The following EXOC4 variants were observed in gnomAD, a reference collection of about 807,000 sequenced individuals.
EXOC4 encodes SEC8-like 1.
Under a neutral mutation model 107.2 loss-of-function variants are expected in EXOC4, and 71 were observed. The observed-to-expected ratio is 0.66, with a 90% confidence interval of 0.55 to 0.81. The LOEUF is 0.81. Among genes scored for constraint, EXOC4 ranks in the 30% least tolerant of loss-of-function variants. The pLI is 0.00. For missense variants in EXOC4, 1,108 were observed against 1,189.6 expected (o/e 0.93, Z 1.01); for synonymous variants, 456 against 441.2 (o/e 1.03, Z -0.42).
intron 9 of EXOC4, among the ~76,000 whole-genome samples, chr7:133,510,943 T>C (rs990674146): frequency 6.6e-6 from 1 of 152,190 alleles, no homozygotes. Flanking sequence ...GTACATAATA[T>C]GCTCTTATAA....
intron 10 of EXOC4, among the ~76,000 whole-genome samples, chr7:133,710,086 T>C (rs542549153): frequency 4.6e-5 from 7 of 152,288 alleles, no homozygotes; most frequent in Admixed American, 6.5e-5. Flanking sequence ...AAATAACTTA[T>C]GAGTTTAATA....
intron 13 of EXOC4, chr7:133,930,518 A>G (rs1352355270): frequency 6.6e-5 from 10 of 152,088 alleles, no homozygotes; most frequent in Admixed American, 6.5e-4. Context: ...TTCTAGTATC[A>G]GTTTTCATGG....
chr7:133,816,937 A>G (rs1489654885), intron 10 of EXOC4, among the ~76,000 whole-genome samples: 5 of 152,096 alleles, frequency 3.3e-5, no homozygotes, highest in Non-Finnish European at 5.9e-5. Context: ...GTGTGGGGGT[A>G]GGGGGACCCC....
intron 9 of EXOC4, among the ~76,000 whole-genome samples, chr7:133,612,935 G>A (rs936649034): frequency 6.6e-6 from 1 of 152,092 alleles, no homozygotes; most frequent in Non-Finnish European, 1.5e-5. Flanking sequence ...AATACTTTTT[G>A]GATGTGTAGT....
At chr7:133,897,547 G>A (rs1333193356) in intron 12 of EXOC4, among the ~76,000 whole-genome samples, 1 of 151,884 alleles carries the variant, frequency 6.6e-6, no homozygotes, top group Non-Finnish European at 1.5e-5. Flanking sequence ...TATTTCATTA[G>A]GATAAATTCC....
At chr7:133,369,393 TTCCACTCAATGA>T (rs1393684850) in intron 6 of EXOC4, among the ~76,000 whole-genome samples, 1 of 152,194 alleles carries the variant, frequency 6.6e-6, no homozygotes, top group Non-Finnish European at 1.5e-5. Context: ...CACTACTGAG[TTCCACTCAATGA>T]TCCACTGAAA....
chr7:133,591,287 C>T (rs1801536409), intron 9 of EXOC4, among the ~76,000 whole-genome samples: 1 of 152,156 alleles, frequency 6.6e-6, no homozygotes, highest in African/African-American at 2.4e-5. Flanking sequence ...CCACTTCAGC[C>T]TCCCAAAGTG....
At chr7:133,515,708 A>T (rs538973418) in intron 9 of EXOC4, among the ~76,000 whole-genome samples, 10 of 152,100 alleles carry the variant, frequency 6.6e-5, no homozygotes, top group Non-Finnish European at 1.5e-4. Flanking sequence ...GCCTCAAGCG[A>T]TTCTCCTGCC....
chr7:133,896,783 A>G (rs1374598264), intron 12 of EXOC4, among the ~76,000 whole-genome samples: 1 of 146,340 alleles, frequency 6.8e-6, no homozygotes, highest in Admixed American at 6.7e-5. Context: ...CTCCTGCCTC[A>G]TCCCCCTGAG....
intron 7 of EXOC4, among the ~76,000 whole-genome samples, chr7:133,385,780 C>T (rs1287855047): frequency 6.6e-6 from 1 of 152,124 alleles, no homozygotes; most frequent in African/African-American, 2.4e-5. Context: ...ATTTTTAAGT[C>T]ATTGATTTAA....
At chr7:133,862,939 T>A (rs1798565388) in intron 11 of EXOC4, among the ~76,000 whole-genome samples, 2 of 152,196 alleles carry the variant, frequency 1.3e-5, no homozygotes, top group South Asian at 4.1e-4. Flanking sequence ...CTCTGAGTTG[T>A]CACACAGATC....
intron 17 of EXOC4, among the ~76,000 whole-genome samples, chr7:134,019,938 TGGTGTTATGG>T (rs548345132): frequency 6.6e-6 from 1 of 152,234 alleles, no homozygotes; most frequent in African/African-American, 2.4e-5. Flanking sequence ...CCTACCTTGG[TGGTGTTATGG>T]GGTTGGTTTT....
chr7:133,686,148 A>T (rs1794293797), intron 10 of EXOC4, among the ~76,000 whole-genome samples: 1 of 152,096 alleles, frequency 6.6e-6, no homozygotes, highest in Admixed American at 6.6e-5. Flanking sequence ...TGCCCATGTG[A>T]TGCTCAGCAC....
intron 17 of EXOC4, among the ~76,000 whole-genome samples, chr7:134,028,319 A>G (rs1468443422): frequency 6.6e-6 from 1 of 152,182 alleles, no homozygotes; most frequent in South Asian, 2.1e-4. Context: ...TTAGCCTTTG[A>G]TATTGAAATT....
the EXOC4 span, among the ~76,000 whole-genome samples, chr7:134,097,281 T>TCTCCCAGCTCTTGGTCATCTC: frequency 6.6e-6 from 1 of 151,918 alleles, no homozygotes; most frequent in Admixed American, 6.6e-5. Flanking sequence ...TCAGACTGTC[T>TCTCCCAGCTCTTGGTCATCTC]CTCCCAGCTC....
At chr7:133,558,550 T>A (rs757396892) in intron 9 of EXOC4, among the ~76,000 whole-genome samples, 10 of 152,206 alleles carry the variant, frequency 6.6e-5, no homozygotes, top group Non-Finnish European at 7.3e-5. Context: ...TTTAATCTAC[T>A]CCCTCCTTTA....
intron 7 of EXOC4, among the ~76,000 whole-genome samples, chr7:133,419,666 T>G (rs933683725): frequency 4.6e-5 from 7 of 152,086 alleles, no homozygotes; most frequent in African/African-American, 1.7e-4. Context: ...CCAACCCAAA[T>G]AGAAGACAGC....
intron 13 of EXOC4, among the ~76,000 whole-genome samples, chr7:133,927,654 ATATAAT>A (rs1186254601): frequency 2.0e-5 from 3 of 152,244 alleles, no homozygotes; most frequent in South Asian, 2.1e-4. Context: ...AACTTTTAAA[ATATAAT>A]TATAAAAGGA....
chr7:133,585,886 T>C (rs1389864055), intron 9 of EXOC4, among the ~76,000 whole-genome samples: 1 of 151,758 alleles, frequency 6.6e-6, no homozygotes, highest in Non-Finnish European at 1.5e-5. Flanking sequence ...TTAGAGACAG[T>C]GTTTCACCAT....
Sources: allele counts gnomAD v4.1 joint callset (sites outside exome capture counted in the v4.1 genomes callset), GRCh38; gene constraint gnomAD v4.1.1; transcripts MANE v1.5; gene names NCBI Gene and HGNC (gene_info 2026-07-23, HGNC 2026-07-21).